Variants in COL14A1 observed in about 807,000 individuals in gnomAD.
The protein encoded by COL14A1 is collagen alpha-1(XIV) chain.
A neutral mutation model predicts 230.3 loss-of-function variants in COL14A1; 136 were observed. The ratio of observed to expected loss-of-function variants is 0.59; its 90% CI spans 0.51 to 0.68. The LOEUF is 0.68. COL14A1 is among the 30% of genes least tolerant of loss of function. The pLI is 0.00. For missense variants in COL14A1, 1,976 were observed against 2,215.8 expected (o/e 0.89, Z 2.17); for synonymous variants, 792 against 784.1 (o/e 1.01, Z -0.17).
At chr8:120,180,710 T>G (rs1013030092) in intron 5 of COL14A1, among the ~76,000 whole-genome samples, 16 of 144,554 alleles carry the variant, frequency 1.1e-4, no homozygotes, top group Non-Finnish European at 1.8e-4. Context: ...CCTTTTTTTT[T>G]TTTTTTTTTT....
intron 5 of COL14A1, among the ~76,000 whole-genome samples, chr8:120,175,675 T>C (rs968104585): frequency 6.6e-6 from 1 of 152,202 alleles, no homozygotes; most frequent in Non-Finnish European, 1.5e-5. Context: ...TCCCACAATA[T>C]CAGAGTTGAG....
intron 42 of COL14A1, among the ~76,000 whole-genome samples, chr8:120,339,900 T>A (rs1386814155): frequency 6.6e-6 from 1 of 152,070 alleles, no homozygotes; most frequent in East Asian, 1.9e-4. Flanking sequence ...TAGCCGGATG[T>A]GGTGGCACGC....
chr8:120,266,747 A>ATATT, intron 24 of COL14A1, 80 bp from the exon 25 acceptor site: 1 of 1,130,774 alleles, frequency 8.8e-7, no homozygotes, highest in Non-Finnish European at 1.3e-6. Flanking sequence ...ACTACCCTGA[A>ATATT]TATTTATTAC....
At chr8:120,267,422 A>C (rs1360747337) in intron 25 of COL14A1, among the ~76,000 whole-genome samples, 2 of 151,984 alleles carry the variant, frequency 1.3e-5, no homozygotes, top group Admixed American at 6.6e-5. Context: ...ATACAATAAT[A>C]ATACATGATT....
intron 10 of COL14A1, 37 bp from the exon 11 acceptor site, chr8:120,208,195 T>C: frequency 6.5e-7 from 1 of 1,550,040 alleles, no homozygotes; most frequent in Non-Finnish European, 8.8e-7. Flanking sequence ...GTGTAAGATA[T>C]TCCATACTCT....
intron 12 of COL14A1, among the ~76,000 whole-genome samples, chr8:120,212,117 G>A (rs1377964095): frequency 6.6e-6 from 1 of 152,194 alleles, no homozygotes; most frequent in African/African-American, 2.4e-5. Flanking sequence ...AGTCTCTAGA[G>A]AACATTTCTG....
chr8:120,367,455 G>T (rs1422452567), intron 46 of COL14A1, among the ~76,000 whole-genome samples: 1 of 152,128 alleles, frequency 6.6e-6, no homozygotes, highest in Admixed American at 6.5e-5. Flanking sequence ...GGATCTTATT[G>T]TTTGTGTGAG....
chr8:120,311,699 C>CT (rs1464110288), intron 37 of COL14A1, among the ~76,000 whole-genome samples: 10 of 152,228 alleles, frequency 6.6e-5, no homozygotes, highest in South Asian at 6.2e-4. Context: ...CAAAGCAAAC[C>CT]TCTTGTTGGT....
In COL14A1 at chr8:120,191,796, G is replaced by A. The variant is rs925293879; in HGVS notation, c.437-4995G>A. ...GTTGAATTGATCCCTTTACAATTAT[G>A]TAATGGCCTTCTTTGTCTCTTTTGA... On this transcript the variant is annotated intron_variant, in intron 5 of 47. Coordinates refer to ENST00000297848, the MANE Select transcript of COL14A1 (RefSeq NM_021110.4). Among the ~76,000 whole-genome samples the A allele has an allele frequency of 6.6e-5, 10 of 152,116 alleles. 1 individual carries two copies. The highest frequency in any genetic ancestry group is 2.2e-4 in the African/African-American group (9 of 41,416).
chr8:120,280,771 T>C (rs1452290512), intron 30 of COL14A1, 22 bp downstream of exon 30: 5 of 1,611,680 alleles, frequency 3.1e-6, no homozygotes, highest in Non-Finnish European at 4.2e-6. Context: ...CACAATCTTT[T>C]CAAACACAAA....
At chr8:120,191,934 T>C (rs199768369) in intron 5 of COL14A1, among the ~76,000 whole-genome samples, 2 of 152,046 alleles carry the variant, frequency 1.3e-5, no homozygotes, top group Non-Finnish European at 2.9e-5. Context: ...TGAGCCTATG[T>C]ATGTCTCTGC....
At chr8:120,171,306 T>C (rs562378896) in intron 5 of COL14A1, among the ~76,000 whole-genome samples, 1 of 152,330 alleles carries the variant, frequency 6.6e-6, no homozygotes, top group South Asian at 2.1e-4. Flanking sequence ...TGAATATATT[T>C]ATTATAGATA....
chr8:120,124,554 C>T (rs1814253323), upstream of COL14A1, among the ~76,000 whole-genome samples: 1 of 152,194 alleles, frequency 6.6e-6, no homozygotes. Flanking sequence ...CATTTCGATA[C>T]CTCCAGCTGA....
In COL14A1 at chr8:120,306,795, C is replaced by A. The variant is rs183366788; in HGVS notation, c.4402-3214C>A. 2.6e-5 allele frequency among the ~76,000 whole-genome samples: 4 copies of A among 152,272 alleles called. No individual in the cohort carries two copies. In the East Asian group the frequency reaches 7.7e-4, roughly 29 times the overall value. On this transcript the variant is annotated intron_variant, in intron 36 of 47. Transcript: ENST00000297848. ...CTGACATGAATATCTGTGAGGTAAA[C>A]AGTCTTGATTATTATTATTTGAATA...
chr8:120,196,102 A>G (rs1262702429), intron 5 of COL14A1, among the ~76,000 whole-genome samples: 1 of 152,194 alleles, frequency 6.6e-6, no homozygotes, highest in Non-Finnish European at 1.5e-5. Context: ...CCTCTTCTGA[A>G]TCTTTGTCCT....
At position 120,229,984 on chromosome 8, in the gene COL14A1, G is replaced by A. The variant is rs570443724; in HGVS notation, c.2197+1215G>A. On this transcript the variant is annotated intron_variant, in intron 18 of 47. Transcript: ENST00000297848. ...CAGCCTTGACTTCCTGGGCTCATGT[G>A]ATCCTCCAGCCTCAGCCCCCCACGT... is the stretch of plus-strand genomic sequence containing the variant. Among the ~76,000 whole-genome samples, 7 of 152,174 alleles carry A rather than the reference G, an allele frequency of 4.6e-5. No homozygotes were observed. In the South Asian group the frequency reaches 1.2e-3, roughly 27 times the overall value.
At chr8:120,182,986 CA>C (rs907943455) in intron 5 of COL14A1, among the ~76,000 whole-genome samples, 3 of 152,194 alleles carry the variant, frequency 2.0e-5, no homozygotes, top group African/African-American at 4.8e-5. Flanking sequence ...CTCAGCCTCC[CA>C]AAATGCTGGG....
intron 33 of COL14A1, among the ~76,000 whole-genome samples, chr8:120,287,545 G>A (rs573916041): frequency 1.1e-3 from 160 of 152,156 alleles, no homozygotes; most frequent in Non-Finnish European, 2.0e-3. Context: ...TCATTCCAAA[G>A]AATCCTTTGT....
chr8:120,246,236 G>A (rs1334648985), intron 20 of COL14A1, among the ~76,000 whole-genome samples: 2 of 151,994 alleles, frequency 1.3e-5, no homozygotes, highest in Non-Finnish European at 2.9e-5. Context: ...TGCTTATGCC[G>A]TGTGCCTCCA....
Sources: allele counts gnomAD v4.1 joint callset (sites outside exome capture counted in the v4.1 genomes callset), GRCh38; gene constraint gnomAD v4.1.1; transcripts MANE v1.5; gene names NCBI Gene and HGNC (gene_info 2026-07-23, HGNC 2026-07-21).